Variants in NOD1 observed in about 807,000 individuals in gnomAD.
The protein encoded by NOD1 is nucleotide-binding oligomerization domain-containing protein 1.
NOD1 carries 70 observed loss-of-function variants against 81.2 expected under a neutral mutation model. The ratio of observed to expected loss-of-function variants is 0.86; its 90% CI spans 0.71 to 1.05. The LOEUF (loss-of-function observed/expected upper bound fraction) is 1.05. NOD1 is among the 50% of genes least tolerant of loss of function. The pLI, the probability that NOD1 is intolerant of heterozygous loss-of-function variation, is 0.00. For missense variants in NOD1, 1,233 were observed against 1,228.0 expected, an observed-to-expected ratio of 1.00 and a Z score of -0.06; for synonymous variants, 508 against 526.9, an observed-to-expected ratio of 0.96 and a Z score of 0.49.
chr7:30,478,522 C>G lies in NOD1; in HGVS notation c.-352+84G>C, dbSNP rs572575714. On this transcript the variant is annotated intron_variant, in intron 1 of 13. Coordinates refer to ENST00000222823, the MANE Select transcript of NOD1 (RefSeq NM_006092.4). The surrounding 1 kb of genome is among the most constrained non-coding windows in gnomAD (Gnocchi z 4.1). ...CTGCGTTCCGCCCGCACGCAAATCC[C>G]GCCTCCCTGCGCCTCCTCACTCGCA... 1 of 152,548 alleles carries G rather than the reference C, an allele frequency of 6.6e-6. No homozygotes were observed. The highest frequency in any genetic ancestry group is 2.4e-5 in the African/African-American group (1 of 41,582). 9.4% of individuals were successfully genotyped at this position (152,548 alleles called of 1,614,324 possible). A position where few individuals can be genotyped will look rare whatever the true frequency, so the allele number is the denominator to read the frequency against.
intron 1 of NOD1, among the ~76,000 whole-genome samples, chr7:30,470,454 C>T (rs773719113): frequency 4.6e-5 from 7 of 152,168 alleles, no homozygotes; most frequent in African/African-American, 7.2e-5. Context: ...TGAATCTGGC[C>T]GGGTGCACTG....
At position 30,446,161 on chromosome 7, in the gene NOD1, G is replaced by A. The variant is rs776001681; in HGVS notation, c.2433C>T (p.Ser811=). ...CTCACCCAACCTCAGAGATTGATTT[G>A]CTGTTCTTCACAGCCAGGGCGAGAT... ...GKYLALAVKN[S]KSISEVGMWG... Residue 811 remains serine (S), a synonymous_variant, in exon 9 of 14, where the codon AGC becomes AGT. Transcript: ENST00000222823. 18 of 1,612,840 alleles carry A rather than the reference G, an allele frequency of 1.1e-5. No individual in the cohort carries two copies. The South Asian group carries it at 1.8e-4, about 16-fold the overall frequency.
chr7:30,473,605 T>C (rs531079580), intron 1 of NOD1, among the ~76,000 whole-genome samples: 5 of 152,330 alleles, frequency 3.3e-5, no homozygotes, highest in Admixed American at 6.5e-5. Flanking sequence ...GGTTTAATGT[T>C]ATCTGGAAGT....
chr7:30,437,704 C>A (rs773986414), intron 9 of NOD1, 48 bp from the exon 10 acceptor site: 5 of 1,355,166 alleles, frequency 3.7e-6, no homozygotes, highest in Non-Finnish European at 3.9e-6. Context: ...AAGAAACAGC[C>A]ATGCTCACCC....
Position 30,451,604 on chromosome 7 carries a change from G to A in NOD1, c.1813C>T (p.Arg605Trp), listed in dbSNP as rs5743345. 2.8e-4 allele frequency: 444 copies of A among 1,613,854 alleles called. No homozygotes were observed. The highest frequency in any genetic ancestry group is 2.7e-3 in the African/African-American group (204 of 75,066). The change falls in exon 6 of 14, where the codon CGG (arginine) becomes TGG (tryptophan). Residue 605 changes from arginine to tryptophan, a missense_variant. By Grantham distance (101) the Arg-to-Trp change is moderately radical. Coordinates refer to ENST00000222823, the MANE Select transcript of NOD1 (RefSeq NM_006092.4). This position sits in a 1 kb window ranked among gnomAD's most constrained non-coding sequence, Gnocchi z 4.2. ...AGGGCTGCCGCGGGCACCAGATGCC[G>A]CAGGAGTTTCTGTTTGGCTTTGGAC... ...LLSKAKQKLL[R>W]HLVPAAALRR... is the part of the protein sequence containing the mutation.
chr7:30,430,317 A>G (rs561490282), intron 12 of NOD1, among the ~76,000 whole-genome samples: 1 of 152,336 alleles, frequency 6.6e-6, no homozygotes, highest in South Asian at 2.1e-4. Flanking sequence ...GTTTTCAGCT[A>G]TCGCTAGGAA....
rs11430536 is a variant in NOD1, at chr7:30,458,740, CTTTTTT to C, written c.-122+406_-122+411del. On this transcript the variant is annotated intron_variant, in intron 3 of 13. Transcript: ENST00000222823. ...TTATTAAATACTAATCCAGCCTTTT[CTTTTTT>C]TTTTTTTTTTGACAGAGTCCCACTG... 5.7e-5 allele frequency among the ~76,000 whole-genome samples: 8 copies of C among 139,728 alleles called. No individual in the cohort carries two copies. In the Admixed American group the frequency reaches 5.8e-4, roughly 10 times the overall value. The allele number at this position is 139,728 out of a possible 152,430, so 91.7% of individuals were successfully genotyped here.
intron 1 of NOD1, among the ~76,000 whole-genome samples, chr7:30,473,715 G>A (rs1305186238): frequency 1.3e-5 from 2 of 152,160 alleles, no homozygotes; most frequent in Non-Finnish European, 2.9e-5. Context: ...GCCCTACACA[G>A]AGCATAAGCA....
Position 30,436,246 on chromosome 7 carries a change from C to T in NOD1, c.2538-165G>A, listed in dbSNP as rs113155974. On this transcript the variant is annotated intron_variant, in intron 10 of 13. Coordinates refer to ENST00000222823, the MANE Select transcript of NOD1 (RefSeq NM_006092.4). ...CAGCTGCAGCAGTAGTGCCCAGGCGCTGCTGCCCCAGAGCCCACACACAGA... is the reference window on the plus strand; with the variant it reads ...CAGCTGCAGCAGTAGTGCCCAGGCGTTGCTGCCCCAGAGCCCACACACAGA... Among the ~76,000 whole-genome samples the T allele has an allele frequency of 2.4e-3, 364 of 152,366 alleles. 3 individuals carry two copies. The highest frequency in any genetic ancestry group is 8.4e-3 in the African/African-American group (349 of 41,584).
intron 8 of NOD1, chr7:30,446,632 C>G (rs1785118423): frequency 2.5e-6 from 1 of 399,148 alleles, no homozygotes; most frequent in Non-Finnish European, 4.5e-6. Flanking sequence ...CAGGGCACAC[C>G]TACAGCAGGG....
At position 30,424,738 on chromosome 7, in the gene NOD1, C is replaced by A. The variant is rs1358877744; in HGVS notation, c.*900G>T. 1 of 152,300 alleles carries A rather than the reference C, an allele frequency of 6.6e-6. No individual in the cohort carries two copies. The highest frequency in any genetic ancestry group is 1.9e-4 in the East Asian group (1 of 5,178). 9.4% of individuals were successfully genotyped at this position (152,300 alleles called of 1,614,324 possible). On this transcript the variant is annotated 3_prime_UTR_variant, in exon 14 of 14. Coordinates refer to ENST00000222823, the MANE Select transcript of NOD1 (RefSeq NM_006092.4). ...CTGCTTGGGAGGCAGGAAGAGACTT[C>A]CCCTCTTCACGAGGTAAGGGAGACA...
At position 30,452,120 on chromosome 7, in the gene NOD1, G is replaced by C; in HGVS notation, c.1297C>G (p.Leu433Val). ...AGGCTGCTGGGCTGCATCCTGTTCA[G>C]ATGGACCTCAGTGACCAGGAGGAAG... ...DVFLLVTEVH[L>V]NRMQPSSLVQ... Residue 433 changes from leucine to valine, a missense_variant, in exon 6 of 14, where the codon CTG becomes GTG. Leu to Val is a conservative substitution (Grantham distance 32). Transcript: ENST00000222823. 1.9e-6 allele frequency: 3 copies of C among 1,614,002 alleles called. No individual in the cohort carries two copies. The highest frequency in any genetic ancestry group is 2.5e-6 in the Non-Finnish European group (3 of 1,180,036).
Position 30,448,304 on chromosome 7 carries a change from T to G in NOD1, c.2279A>C (p.Tyr760Ser), listed in dbSNP as rs1785324283. The change falls in exon 7 of 14, where the codon TAT (tyrosine) becomes TCT (serine). Residue 760 changes from tyrosine to serine, a missense_variant. By Grantham distance (144) the Tyr-to-Ser change is moderately radical. Coordinates refer to ENST00000222823, the MANE Select transcript of NOD1 (RefSeq NM_006092.4). ...EELTKYKIVT[Y>S]LGLYNNQITD... is the part of the protein sequence containing the mutation. ...GTTCTGGAGAAAGACATACCCCAAA[T>G]AGGTCACAATTTTGTATTTGGTCAG... 1 of 1,613,362 alleles carries G rather than the reference T, an allele frequency of 6.2e-7. No homozygotes were observed. The highest frequency in any genetic ancestry group is 1.3e-5 in the African/African-American group (1 of 74,916).
intron 9 of NOD1, among the ~76,000 whole-genome samples, chr7:30,439,711 G>C (rs1382287523): frequency 5.0e-5 from 5 of 99,264 alleles, no homozygotes; most frequent in Non-Finnish European, 9.6e-5. Context: ...GCTTGCTTAG[G>C]TAAACAAAGC....
intron 1 of NOD1, among the ~76,000 whole-genome samples, chr7:30,477,360 G>C (rs1383483746): frequency 6.6e-6 from 1 of 152,200 alleles, no homozygotes; most frequent in African/African-American, 2.4e-5. Context: ...GCCTGGGTGA[G>C]AACAGGGAAT....
intron 4 of NOD1, 64 bp downstream of exon 4, chr7:30,456,657 G>A: frequency 2.1e-6 from 3 of 1,430,276 alleles, no homozygotes; most frequent in Admixed American, 3.4e-5. Context: ...AGATCAGCAG[G>A]GAGAGGCCTC....
At chr7:30,436,928 T>G (rs917224866) in intron 10 of NOD1, among the ~76,000 whole-genome samples, 9 of 152,346 alleles carry the variant, frequency 5.9e-5, no homozygotes, top group South Asian at 2.1e-4. Context: ...AGCACATGTA[T>G]GTTTATTGTA....
chr7:30,435,189 G>A (rs1784277980), intron 11 of NOD1, among the ~76,000 whole-genome samples: 1 of 152,244 alleles, frequency 6.6e-6, no homozygotes, highest in African/African-American at 2.4e-5. Flanking sequence ...CATCCACTTA[G>A]TAAGTGCCCT....
chr7:30,431,717 T>G (rs935163763), intron 12 of NOD1, among the ~76,000 whole-genome samples: 1 of 152,218 alleles, frequency 6.6e-6, no homozygotes, highest in African/African-American at 2.4e-5. Flanking sequence ...GTGGAGTTCT[T>G]TGTGATCTTG....
Sources: gnomAD v4.1 joint callset for allele counts (sites outside exome capture counted in the v4.1 genomes callset) on GRCh38, gnomAD v4.1.1 for gene constraint, Gnocchi (gnomAD v3.1) non-coding constraint, MANE v1.5 for transcripts, NCBI Gene and HGNC (gene_info 2026-07-23, HGNC 2026-07-21) for gene names.